EXD3: variants seen among roughly 807,000 people sequenced by gnomAD.
EXD3 encodes the protein exonuclease 3'-5' domain containing 3.
EXD3 carries 92 observed loss-of-function variants against 98.0 expected under a neutral mutation model. The ratio of observed to expected loss-of-function variants is 0.94; its 90% CI spans 0.79 to 1.12. The LOEUF (loss-of-function observed/expected upper bound fraction) is 1.12, where lower values mean the gene tolerates loss of function less well. Among genes scored for constraint, EXD3 ranks in the 50% most tolerant of loss-of-function variants. The probability of loss-of-function intolerance (pLI) is 0.00; values close to 1 mark genes in which losing one functional copy is unlikely to be tolerated. For missense variants in EXD3, 1,222 were observed against 1,191.6 expected (o/e 1.03, Z -0.38); for synonymous variants, 569 against 526.0 (o/e 1.08, Z -1.12).
chr9:137,422,399 C>T (rs61175836), intron 1 of EXD3, among the ~76,000 whole-genome samples: 432 of 152,228 alleles, frequency 2.8e-3, no homozygotes, highest in African/African-American at 9.7e-3. Context: ...CCCTCACTAC[C>T]CCTCGAGCCA....
chr9:137,419,755 G>A (rs951112105), intron 1 of EXD3, among the ~76,000 whole-genome samples: 1 of 152,146 alleles, frequency 6.6e-6, no homozygotes, highest in Non-Finnish European at 1.5e-5. Flanking sequence ...ACATTGACAA[G>A]TATACAGACT....
At position 137,351,826 on chromosome 9, in the gene EXD3, A is replaced by G. The variant is rs116952537; in HGVS notation, c.1173+240T>C. The stretch of plus-strand genomic sequence containing the variant: ...CCACGTCTCGGGCACCATCTGTAAA[A>G]TGGGGATTCCACGGCACCTTCCACA... On this transcript the variant is annotated intron_variant, in intron 12 of 21. Transcript: ENST00000340951. Among the ~76,000 whole-genome samples, 75 of 152,316 alleles carry G rather than the reference A, an allele frequency of 4.9e-4. No homozygotes were observed. The East Asian group carries it at 0.014, about 27-fold the overall frequency.
At chr9:137,392,882 T>G in intron 2 of EXD3, 7 of 447,524 alleles carry the variant, frequency 1.6e-5, no homozygotes, top group South Asian at 2.0e-5. Context: ...GGGAGGACCA[T>G]TAGTGTTCCA....
At chr9:137,335,611 C>T (rs113223371) in intron 17 of EXD3, among the ~76,000 whole-genome samples, 1 of 151,960 alleles carries the variant, frequency 6.6e-6, no homozygotes, top group Admixed American at 6.6e-5. Flanking sequence ...ACCCGGGAGG[C>T]GGAGGTTGCA....
At position 137,407,342 on chromosome 9, in the gene EXD3, C is replaced by A. The variant is rs989097988; in HGVS notation, c.-47-11938G>T. 6.6e-6 allele frequency among the ~76,000 whole-genome samples: 1 copy of A among 152,218 alleles called. No homozygotes were observed. The highest frequency in any genetic ancestry group is 1.5e-5 in the Non-Finnish European group (1 of 68,030). ...GGCCCCTCCACCTCTGTCCGCCTGC[C>A]CTAAATACCGCAGAGGTGACTGCTC... On this transcript the variant is annotated intron_variant, in intron 1 of 21. Transcript: ENST00000340951. The surrounding 1 kb of genome is among the most constrained non-coding windows in gnomAD (Gnocchi z 4.4).
chr9:137,334,033 C>T (rs532696752), intron 17 of EXD3, among the ~76,000 whole-genome samples: 102 of 151,476 alleles, frequency 6.7e-4, no homozygotes, highest in Non-Finnish European at 3.5e-4. Context: ...GATGGAGTCT[C>T]GCTCTGTCAC....
rs372878424 is a variant in EXD3, at chr9:137,354,331, G to A, written c.870+8C>T. On this transcript the variant is annotated splice_region_variant and intron_variant, in intron 10 of 21. Transcript: ENST00000340951. ...CCTGCCGGCTTACAGGCAAGGGCAC[G>A]AACTCACCTGCACATGGTCGGTCCA... 4.4e-5 allele frequency: 71 copies of A among 1,612,128 alleles called. No individual in the cohort carries two copies. The highest frequency in any genetic ancestry group is 1.8e-4 in the Admixed American group (11 of 59,906).
At chr9:137,378,639 T>TAC (rs1298276803) in intron 3 of EXD3, among the ~76,000 whole-genome samples, 2 of 152,364 alleles carry the variant, frequency 1.3e-5, no homozygotes, top group East Asian at 3.8e-4. Context: ...AGAAACAGCA[T>TAC]GTGGCCTGGC....
rs1051112050 is a variant in EXD3, at chr9:137,330,125, A to C, written c.1999-5982T>G. 5.8e-4 allele frequency among the ~76,000 whole-genome samples: 70 copies of C among 121,274 alleles called. 1 individual carries two copies. Among genetic ancestry groups the C allele is most frequent in the Non-Finnish European group, 8.2e-4 (45 of 54,932 alleles). The allele number at this position is 121,274 out of a possible 152,430, so 79.6% of individuals were successfully genotyped here. On this transcript the variant is annotated intron_variant, in intron 17 of 21. Coordinates refer to ENST00000340951, the MANE Select transcript of EXD3 (RefSeq NM_017820.5). ...CACAGGAGCTACACAGGAGCTACAC[A>C]GGAGCTACACAGGAACTACACCGGA...
In EXD3 at chr9:137,407,303, G is replaced by A. The variant is rs752402990; in HGVS notation, c.-47-11899C>T. On this transcript the variant is annotated intron_variant, in intron 1 of 21. Coordinates refer to ENST00000340951, the MANE Select transcript of EXD3 (RefSeq NM_017820.5). The surrounding 1 kb of genome is among the most constrained non-coding windows in gnomAD (Gnocchi z 4.4). ...AGGCAGAGCCCAGCCCGGCGGCCGCGGCGAACACGGGGCGGCCCCTCCACC... is the reference window on the plus strand; with the variant it reads ...AGGCAGAGCCCAGCCCGGCGGCCGCAGCGAACACGGGGCGGCCCCTCCACC... 3.9e-5 allele frequency among the ~76,000 whole-genome samples: 6 copies of A among 152,186 alleles called. No individual in the cohort carries two copies. Among genetic ancestry groups the A allele is most frequent in the Admixed American group, 6.5e-5 (1 of 15,280 alleles).
intron 3 of EXD3, among the ~76,000 whole-genome samples, chr9:137,375,524 C>G (rs1167572809): frequency 6.6e-6 from 1 of 151,214 alleles, no homozygotes; most frequent in Non-Finnish European, 1.5e-5. Context: ...GGCCTAGTGA[C>G]TTCTAGCCCT....
At chr9:137,319,569 C>A (rs1001630736) in intron 19 of EXD3, among the ~76,000 whole-genome samples, 23 of 152,170 alleles carry the variant, frequency 1.5e-4, no homozygotes, top group African/African-American at 4.6e-4. Flanking sequence ...GAAGAACTTT[C>A]TAGAGCACAT....
chr9:137,401,379 T>A (rs1837476220), intron 1 of EXD3, among the ~76,000 whole-genome samples: 1 of 151,972 alleles, frequency 6.6e-6, no homozygotes, highest in Admixed American at 6.6e-5. Flanking sequence ...ATGGTCTTGA[T>A]CTCCTGACCT....
intron 2 of EXD3, among the ~76,000 whole-genome samples, chr9:137,394,581 C>T (rs1257579049): frequency 6.6e-6 from 1 of 152,118 alleles, no homozygotes; most frequent in African/African-American, 2.4e-5. Context: ...CCAGCCTCCG[C>T]TTCCCTAACC....
At chr9:137,394,676 C>T (rs1837117338) in intron 2 of EXD3, among the ~76,000 whole-genome samples, 1 of 148,918 alleles carries the variant, frequency 6.7e-6, no homozygotes. Context: ...TGTTTATCCT[C>T]AGCACTGAAT....
At chr9:137,416,368 C>T (rs541490667) in intron 1 of EXD3, among the ~76,000 whole-genome samples, 1 of 152,348 alleles carries the variant, frequency 6.6e-6, no homozygotes, top group South Asian at 2.1e-4. Context: ...CAGCCTCTGC[C>T]ACCTTCCCAT....
At chr9:137,354,043 C>T (rs762318898) in intron 10 of EXD3, 184 of 1,200,106 alleles carry the variant, frequency 1.5e-4, no homozygotes, top group Non-Finnish European at 1.9e-4. Flanking sequence ...ACTCTCAGCC[C>T]CCACCCGGCC....
chr9:137,373,305 C>T, intron 4 of EXD3, 121 bp downstream of exon 4: 1 of 1,277,624 alleles, frequency 7.8e-7, no homozygotes, highest in Non-Finnish European at 1.1e-6. Context: ...CCCAGCATCC[C>T]CCTCCCCTTC....
rs1249403551 is a variant in EXD3 at position 137,355,677 on chromosome 9, ATGG to A, written c.757+588_757+590del. Reference sequence around the variant, plus strand: ...AGGAAGGAGGAAGGAGAAAGGGAGGATGGAGGAAGGAGAAAGGGAGGAAGGAGG... The same window carrying A: ...AGGAAGGAGGAAGGAGAAAGGGAGGAAGGAAGGAGAAAGGGAGGAAGGAGG... On this transcript the variant is annotated intron_variant, in intron 8 of 21. Coordinates refer to ENST00000340951, the MANE Select transcript of EXD3 (RefSeq NM_017820.5). 4.5e-4 allele frequency among the ~76,000 whole-genome samples: 46 copies of A among 103,212 alleles called. 1 individual carries two copies. The highest frequency in any genetic ancestry group is 2.5e-3 in the South Asian group (8 of 3,264). The allele number at this position is 103,212 out of a possible 152,430, so 67.7% of individuals were successfully genotyped here.
Sources: gnomAD v4.1 joint callset for allele counts (sites outside exome capture counted in the v4.1 genomes callset) on GRCh38, gnomAD v4.1.1 for gene constraint, Gnocchi (gnomAD v3.1) non-coding constraint, MANE v1.5 for transcripts, NCBI Gene and HGNC (gene_info 2026-07-23, HGNC 2026-07-21) for gene names.